NRXN3: variants seen among roughly 807,000 people sequenced by gnomAD.
The protein encoded by NRXN3 is neurexin III.
NRXN3 carries 32 observed loss-of-function variants against 137.6 expected under a neutral mutation model. The observed-to-expected ratio is 0.23, with a 90% confidence interval of 0.18 to 0.31. The LOEUF (loss-of-function observed/expected upper bound fraction) is 0.31, where lower values mean the gene tolerates loss of function less well. NRXN3 is among the 10% of genes least tolerant of loss of function. The probability of loss-of-function intolerance (pLI) is 1.00; values close to 1 mark genes in which losing one functional copy is unlikely to be tolerated. For synonymous variants in NRXN3, 798 were observed against 784.5 expected, an observed-to-expected ratio of 1.02 and a Z score of -0.29; for missense variants, 1,574 against 2,062.5, an observed-to-expected ratio of 0.76 and a Z score of 4.59.
At chr14:78,257,131 G>A (rs375979447) in intron 2 of NRXN3, among the ~76,000 whole-genome samples, 1 of 152,210 alleles carries the variant, frequency 6.6e-6, no homozygotes, top group Non-Finnish European at 1.5e-5. Flanking sequence ...GATTACTAAC[G>A]CTATCATTTT....
At chr14:79,490,435 T>A (rs1463820432) in intron 16 of NRXN3, among the ~76,000 whole-genome samples, 9 of 152,022 alleles carry the variant, frequency 5.9e-5, no homozygotes, top group Non-Finnish European at 2.9e-5. Context: ...AACAGATGAA[T>A]GGATAGAAAA....
intron 15 of NRXN3, among the ~76,000 whole-genome samples, chr14:79,094,979 A>AGAGAGAGTGTGTGT (rs553957969): frequency 1.1e-3 from 131 of 115,928 alleles, no homozygotes; most frequent in African/African-American, 3.3e-3. Context: ...AGAGAGAGAG[A>AGAGAGAGTGTGTGT]GTGTGTGTGT....
chr14:79,630,050 A>T (rs1410927727), intron 16 of NRXN3, among the ~76,000 whole-genome samples: 1 of 152,222 alleles, frequency 6.6e-6, no homozygotes, highest in Non-Finnish European at 1.5e-5. Flanking sequence ...CTGTGGAAAC[A>T]TAATAACACA....
chr14:78,302,617 T>A (rs961045643), intron 4 of NRXN3, among the ~76,000 whole-genome samples: 6 of 152,212 alleles, frequency 3.9e-5, no homozygotes, highest in Non-Finnish European at 8.8e-5. Flanking sequence ...CTCTGTAGCA[T>A]ATGTCTCTGT....
intron 4 of NRXN3, among the ~76,000 whole-genome samples, chr14:78,373,284 C>T (rs770657188): frequency 2.0e-5 from 3 of 151,946 alleles, no homozygotes; most frequent in Non-Finnish European, 2.9e-5. Flanking sequence ...GGGAAGATGT[C>T]GTTTAGAGTG....
At chr14:79,634,797 C>T (rs1300404446) in intron 16 of NRXN3, among the ~76,000 whole-genome samples, 1 of 152,192 alleles carries the variant, frequency 6.6e-6, no homozygotes, top group Non-Finnish European at 1.5e-5. Flanking sequence ...GAGGAACCTA[C>T]TGACCAACCT....
At chr14:79,162,876 C>T (rs1048931206) in intron 15 of NRXN3, among the ~76,000 whole-genome samples, 1 of 151,880 alleles carries the variant, frequency 6.6e-6, no homozygotes, top group Non-Finnish European at 1.5e-5. Context: ...CTCCACCCTG[C>T]CTATCCTCAT....
rs533555986 is a variant in NRXN3 at position 79,244,353 on chromosome 14, A to G, written c.3263-222868A>G. Among the ~76,000 whole-genome samples the G allele has an allele frequency of 3.6e-4, 55 of 152,250 alleles. No individual in the cohort carries two copies. The South Asian group carries it at 0.011, about 29-fold the overall frequency. On this transcript the variant is annotated intron_variant, in intron 15 of 20. Coordinates refer to ENST00000335750, the MANE Select transcript of NRXN3 (RefSeq NM_001330195.2). ...GATTTGTGCTTTTCAGAAGATGAGCATTTTCTTTTACATTCTGGACACACA... is the reference window on the plus strand; with the variant it reads ...GATTTGTGCTTTTCAGAAGATGAGCGTTTTCTTTTACATTCTGGACACACA...
chr14:79,286,144 G>T (rs1020918883), intron 15 of NRXN3, among the ~76,000 whole-genome samples: 1 of 151,996 alleles, frequency 6.6e-6, no homozygotes, highest in Non-Finnish European at 1.5e-5. Context: ...GACTAATTCT[G>T]TCTGACTGCA....
chr14:78,823,531 T>A (rs2098957221), intron 10 of NRXN3, among the ~76,000 whole-genome samples: 1 of 152,232 alleles, frequency 6.6e-6, no homozygotes. Context: ...TTCAGAACTC[T>A]TATCACAGTT....
At chr14:79,010,009 G>A (rs549614347) in intron 15 of NRXN3, among the ~76,000 whole-genome samples, 61 of 152,248 alleles carry the variant, frequency 4.0e-4, no homozygotes, top group Admixed American at 1.6e-3. Flanking sequence ...CCTTATGCTT[G>A]TATAATGAAA....
At chr14:79,840,965 TG>T (rs1419422891) in intron 20 of NRXN3, among the ~76,000 whole-genome samples, 1 of 152,172 alleles carries the variant, frequency 6.6e-6, no homozygotes, top group Non-Finnish European at 1.5e-5. Context: ...TTGGAATGAC[TG>T]GAAAATTTCT....
In NRXN3 at chr14:78,926,801, TA is replaced by T. The variant is rs1357708469; in HGVS notation, c.2276-30440del. Among the ~76,000 whole-genome samples, 94 of 51,312 alleles carry T rather than the reference TA, an allele frequency of 1.8e-3. 41 individuals carry two copies. Among genetic ancestry groups the T allele is most frequent in the African/African-American group, 6.7e-3 (70 of 10,444 alleles). 33.7% of individuals were successfully genotyped at this position (51,312 alleles called of 152,430 possible). ...TATATAAAATATATTATATATTATATATTTATATATATTATATATTATATAT... is the reference window on the plus strand; with the variant it reads ...TATATAAAATATATTATATATTATATTTTATATATATTATATATTATATAT... On this transcript the variant is annotated intron_variant, in intron 10 of 20. Transcript: ENST00000335750.
At chr14:78,702,507 C>G (rs1353165111) in intron 6 of NRXN3, among the ~76,000 whole-genome samples, 1 of 133,792 alleles carries the variant, frequency 7.5e-6, no homozygotes, top group Admixed American at 8.8e-5. Context: ...TGTAGTGGTG[C>G]GATATCAGCT....
chr14:79,704,839 A>G (rs2098770396), intron 19 of NRXN3, among the ~76,000 whole-genome samples: 1 of 152,136 alleles, frequency 6.6e-6, no homozygotes, highest in Non-Finnish European at 1.5e-5. Flanking sequence ...TACTCTCTGG[A>G]ACTGCACAGT....
rs376711419 is a variant in NRXN3 at position 79,645,639 on chromosome 14, C to T, written c.3445-18139C>T. Among the ~76,000 whole-genome samples, 767 of 131,232 alleles carry T rather than the reference C, an allele frequency of 5.8e-3. 43 individuals are homozygous for T. The highest frequency in any genetic ancestry group is 0.019 in the African/African-American group (741 of 40,040). The allele number at this position is 131,232 out of a possible 152,430, so 86.1% of individuals were successfully genotyped here. A position where few individuals can be genotyped will look rare whatever the true frequency, so the allele number is the denominator to read the frequency against. On this transcript the variant is annotated intron_variant, in intron 16 of 20. Coordinates refer to ENST00000335750, the MANE Select transcript of NRXN3 (RefSeq NM_001330195.2). ...CAAAAAAAAAAAAAAAAGTTTTTTT[C>T]GTGTCGGTATTAATGCCTGGTATAA...
chr14:78,992,270 T>C (rs964869193), intron 15 of NRXN3, among the ~76,000 whole-genome samples: 2 of 152,148 alleles, frequency 1.3e-5, no homozygotes, highest in Non-Finnish European at 2.9e-5. Flanking sequence ...GAAGAAAACA[T>C]AAGTAACATT....
At chr14:78,369,528 T>G (rs1421440874) in intron 4 of NRXN3, among the ~76,000 whole-genome samples, 1 of 152,190 alleles carries the variant, frequency 6.6e-6, no homozygotes, top group African/African-American at 2.4e-5. Context: ...ACTTATTCTG[T>G]GTGTTCCTTC....
chr14:78,590,574 C>T (rs1442713350), intron 4 of NRXN3, among the ~76,000 whole-genome samples: 1 of 152,108 alleles, frequency 6.6e-6, no homozygotes, highest in African/African-American at 2.4e-5. Flanking sequence ...GAAAGGAAAG[C>T]TTGCATAGGT....
Sources: gnomAD v4.1 joint callset for allele counts (sites outside exome capture counted in the v4.1 genomes callset) on GRCh38, gnomAD v4.1.1 for gene constraint, MANE v1.5 for transcripts, NCBI Gene and HGNC (gene_info 2026-07-23, HGNC 2026-07-21) for gene names.